Variants in LSAMP observed in about 807,000 individuals in gnomAD.
LSAMP encodes the protein limbic system associated membrane protein.
LSAMP carries 7 observed loss-of-function variants against 38.6 expected under a neutral mutation model. The observed-to-expected ratio is 0.18, with a 90% confidence interval of 0.10 to 0.34. LSAMP has a LOEUF of 0.34. LSAMP is among the 10% of genes least tolerant of loss of function. LSAMP has a pLI of 1.00. For synonymous variants in LSAMP, 154 were observed against 166.8 expected (o/e 0.92, Z 0.59); for missense variants, 313 against 420.0 (o/e 0.75, Z 2.23).
chr3:115,931,497 A>T (rs1423568634), intron 3 of LSAMP, among the ~76,000 whole-genome samples: 1 of 152,206 alleles, frequency 6.6e-6, no homozygotes, highest in Non-Finnish European at 1.5e-5. Flanking sequence ...TCTCTGAGGC[A>T]CAGGGTCAGA....
chr3:116,393,667 G>T (rs1008333143), intron 1 of LSAMP, among the ~76,000 whole-genome samples: 2 of 152,152 alleles, frequency 1.3e-5, no homozygotes, highest in African/African-American at 4.8e-5. Context: ...GCACCCCAAA[G>T]ATCCCATAAC....
intron 1 of LSAMP, among the ~76,000 whole-genome samples, chr3:116,203,401 T>A (rs1433017714): frequency 6.6e-6 from 1 of 150,740 alleles, no homozygotes; most frequent in African/African-American, 2.5e-5. Flanking sequence ...TTATTTATTT[T>A]TTATTTTTTT....
At chr3:115,814,144 A>T (rs1231812078) in intron 6 of LSAMP, 5 of 152,192 alleles carry the variant, frequency 3.3e-5, no homozygotes, top group African/African-American at 1.2e-4. Context: ...TTACAGAAAG[A>T]GATGAAATAC....
At chr3:116,012,216 G>A (rs111645845) in intron 3 of LSAMP, among the ~76,000 whole-genome samples, 10,165 of 152,138 alleles carry the variant, frequency 0.067, 411 homozygotes, top group Non-Finnish European at 0.097. Flanking sequence ...TGGTCACTTT[G>A]ATTTTTAAAT....
chr3:116,045,819 A>G (rs572162162), intron 2 of LSAMP, among the ~76,000 whole-genome samples: 1 of 152,334 alleles, frequency 6.6e-6, no homozygotes, highest in African/African-American at 2.4e-5. Flanking sequence ...TATTATGCCT[A>G]CTTTACACAT....
intron 1 of LSAMP, among the ~76,000 whole-genome samples, chr3:116,203,669 C>A (rs545404369): frequency 1.3e-5 from 2 of 150,138 alleles, no homozygotes; most frequent in African/African-American, 4.9e-5. Context: ...TTTGTTCTTG[C>A]GATAGTTTAC....
chr3:116,055,196 C>T (rs1941469139), intron 2 of LSAMP, among the ~76,000 whole-genome samples: 1 of 152,026 alleles, frequency 6.6e-6, no homozygotes, highest in African/African-American at 2.4e-5. Context: ...AAAGAGATTG[C>T]CTATGTGAAA....
intron 1 of LSAMP, among the ~76,000 whole-genome samples, chr3:116,200,602 G>A (rs2045974960): frequency 6.6e-6 from 1 of 152,138 alleles, no homozygotes; most frequent in East Asian, 1.9e-4. Flanking sequence ...AATATTCTTT[G>A]TCATAAAATC....
chr3:116,053,109 T>C (rs1941426078), intron 2 of LSAMP, among the ~76,000 whole-genome samples: 2 of 152,214 alleles, frequency 1.3e-5, no homozygotes, highest in South Asian at 4.1e-4. Context: ...TATGGAAATA[T>C]GGATCTCAAC....
At chr3:116,277,374 G>GTTTT (rs34545044) in intron 1 of LSAMP, among the ~76,000 whole-genome samples, 1 of 144,976 alleles carries the variant, frequency 6.9e-6, no homozygotes, top group East Asian at 2.0e-4. Flanking sequence ...CTCATCTTGT[G>GTTTT]TTTTTTTTTT....
intron 1 of LSAMP, among the ~76,000 whole-genome samples, chr3:116,263,539 A>C (rs78804483): frequency 2.1e-5 from 2 of 95,598 alleles, no homozygotes; most frequent in Non-Finnish European, 4.3e-5. Context: ...CTTTGTCTCA[A>C]AAAAAAAAAA....
At chr3:115,836,716 A>C (rs1244280014) in intron 6 of LSAMP, among the ~76,000 whole-genome samples, 1 of 152,210 alleles carries the variant, frequency 6.6e-6, no homozygotes, top group Non-Finnish European at 1.5e-5. Flanking sequence ...AGGAGTTTGC[A>C]TCTAGTGCTT....
chr3:116,157,566 G>A (rs529343593), intron 1 of LSAMP, among the ~76,000 whole-genome samples: 21 of 152,014 alleles, frequency 1.4e-4, no homozygotes, highest in East Asian at 3.9e-4. Flanking sequence ...AGAAGAAAAC[G>A]TAAAACAGAA....
chr3:116,359,373 C>T (rs1177497321), intron 1 of LSAMP, among the ~76,000 whole-genome samples: 1 of 152,144 alleles, frequency 6.6e-6, no homozygotes, highest in Non-Finnish European at 1.5e-5. Flanking sequence ...AATGCATAGG[C>T]TTGGCCTCTC....
intron 1 of LSAMP, among the ~76,000 whole-genome samples, chr3:116,212,919 T>TG (rs2046177011): frequency 6.6e-6 from 1 of 152,152 alleles, no homozygotes; most frequent in Non-Finnish European, 1.5e-5. Context: ...GCAGTAAAGG[T>TG]GTAATCTGAG....
At chr3:116,174,834 C>G (rs1710297439) in intron 1 of LSAMP, among the ~76,000 whole-genome samples, 1 of 152,104 alleles carries the variant, frequency 6.6e-6, no homozygotes. Context: ...AATCACCCAC[C>G]ATTTAGCCTA....
intron 1 of LSAMP, among the ~76,000 whole-genome samples, chr3:116,396,407 C>A (rs1403411750): frequency 6.6e-6 from 1 of 152,180 alleles, no homozygotes; most frequent in Non-Finnish European, 1.5e-5. Flanking sequence ...AAGTCCATTT[C>A]AAACCCCATC....
intron 1 of LSAMP, among the ~76,000 whole-genome samples, chr3:116,205,071 A>C (rs2046047547): frequency 7.0e-6 from 1 of 142,196 alleles, no homozygotes; most frequent in African/African-American, 2.6e-5. Flanking sequence ...ATCCTCTTTT[A>C]TTTCGTTGAG....
At chr3:116,278,550 A>G (rs1457010947) in intron 1 of LSAMP, among the ~76,000 whole-genome samples, 1 of 152,162 alleles carries the variant, frequency 6.6e-6, no homozygotes, top group Non-Finnish European at 1.5e-5. Flanking sequence ...CACAATTATG[A>G]CTGTTTTCAT....
Sources: gnomAD v4.1 joint callset for allele counts (sites outside exome capture counted in the v4.1 genomes callset) on GRCh38, gnomAD v4.1.1 for gene constraint, MANE v1.5 for transcripts, NCBI Gene and HGNC (gene_info 2026-07-23, HGNC 2026-07-21) for gene names.